Variants in RBFOX1 observed in about 807,000 individuals in gnomAD.
RBFOX1 encodes the protein RNA binding fox-1 homolog 1.
Under a neutral mutation model 57.7 loss-of-function variants are expected in RBFOX1, and 8 were observed. The ratio of observed to expected loss-of-function variants is 0.14; its 90% CI spans 0.08 to 0.25. RBFOX1 has a LOEUF of 0.25. Among genes scored for constraint, RBFOX1 ranks in the 10% least tolerant of loss-of-function variants. RBFOX1 has a pLI of 1.00. For synonymous variants in RBFOX1, 326 were observed against 222.4 expected (o/e 1.47, Z -4.15); for missense variants, 611 against 548.5 (o/e 1.11, Z -1.14).
chr16:6,875,022 G>T (rs1021628078), intron 3 of RBFOX1, among the ~76,000 whole-genome samples: 1 of 152,168 alleles, frequency 6.6e-6, no homozygotes, highest in South Asian at 2.1e-4. Flanking sequence ...AGAAAATGGG[G>T]AGAAGTTGTG....
intron 4 of RBFOX1, among the ~76,000 whole-genome samples, chr16:7,274,699 T>TA (rs2095407053): frequency 3.3e-5 from 5 of 150,984 alleles, no homozygotes; most frequent in African/African-American, 1.2e-4. Context: ...TATTTTATTT[T>TA]TTTGAGGCAA....
At chr16:6,611,216 G>C (rs895054380) in intron 2 of RBFOX1, among the ~76,000 whole-genome samples, 12 of 152,212 alleles carry the variant, frequency 7.9e-5, no homozygotes, top group Admixed American at 3.9e-4. Context: ...GTGCAATCTA[G>C]GATCACTGCA....
chr16:7,570,610 G>C (rs1371485921), intron 5 of RBFOX1, among the ~76,000 whole-genome samples: 2 of 152,220 alleles, frequency 1.3e-5, no homozygotes, highest in African/African-American at 4.8e-5. Flanking sequence ...TTTTATTGCA[G>C]AGCTACCTAG....
intron 1 of RBFOX1, among the ~76,000 whole-genome samples, chr16:6,093,363 C>G (rs1280308670): frequency 1.3e-5 from 2 of 152,092 alleles, no homozygotes; most frequent in East Asian, 3.9e-4. Flanking sequence ...CTGTTGAGAC[C>G]AAGAATTCAA....
At chr16:5,842,040 T>C (rs766819821) in intron 3 of RBFOX1, among the ~76,000 whole-genome samples, 8 of 152,218 alleles carry the variant, frequency 5.3e-5, no homozygotes, top group Non-Finnish European at 1.0e-4. Flanking sequence ...TTCAGGCTTC[T>C]TCTGCCTGCA....
chr16:7,314,699 T>C (rs1185341701), intron 4 of RBFOX1, among the ~76,000 whole-genome samples: 1 of 152,162 alleles, frequency 6.6e-6, no homozygotes, highest in African/African-American at 2.4e-5. Context: ...CAGATCACAT[T>C]AGAATCCTCC....
At chr16:7,044,403 G>A (rs12598994) in intron 3 of RBFOX1, among the ~76,000 whole-genome samples, 3,916 of 152,254 alleles carry the variant, frequency 0.026, 102 homozygotes, top group South Asian at 0.067. Flanking sequence ...AAAGTCAGGA[G>A]AAGGATGAAA....
intron 1 of RBFOX1, among the ~76,000 whole-genome samples, chr16:6,093,402 C>G (rs945630669): frequency 6.6e-6 from 1 of 151,984 alleles, no homozygotes; most frequent in African/African-American, 2.4e-5. Context: ...GAGACGCCAT[C>G]TCTTAAAAAA....
At chr16:7,187,554 T>C (rs1453424787) in intron 4 of RBFOX1, among the ~76,000 whole-genome samples, 1 of 151,104 alleles carries the variant, frequency 6.6e-6, no homozygotes, top group Admixed American at 6.6e-5. Context: ...CCAGGCGTGG[T>C]GGCGGGCGCC....
At chr16:7,362,591 G>A (rs1444501416) in intron 4 of RBFOX1, among the ~76,000 whole-genome samples, 3 of 152,038 alleles carry the variant, frequency 2.0e-5, no homozygotes, top group African/African-American at 7.2e-5. Context: ...GTATTAGTGT[G>A]TGGATGTTCT....
At chr16:7,261,221 C>T (rs764586492) in intron 4 of RBFOX1, among the ~76,000 whole-genome samples, 4 of 152,124 alleles carry the variant, frequency 2.6e-5, no homozygotes, top group Admixed American at 1.3e-4. Flanking sequence ...CTTCTCTGAG[C>T]CTTAGCTTTC....
At chr16:6,914,495 C>A (rs748811281) in intron 3 of RBFOX1, among the ~76,000 whole-genome samples, 1 of 152,042 alleles carries the variant, frequency 6.6e-6, no homozygotes, top group South Asian at 2.1e-4. Flanking sequence ...CCACCTCCTA[C>A]CTGAGCCACC....
In RBFOX1 at chr16:6,502,073, G is replaced by T. The variant is rs1000267067; in HGVS notation, c.-63-152530G>T. Among the ~76,000 whole-genome samples, 16 of 152,264 alleles carry T rather than the reference G, an allele frequency of 1.1e-4. No homozygotes were observed. In the South Asian group the frequency reaches 3.3e-3, roughly 32 times the overall value. On this transcript the variant is annotated intron_variant, in intron 2 of 15. Coordinates refer to ENST00000550418, the MANE Select transcript of RBFOX1 (RefSeq NM_018723.4). Reference sequence around the variant, plus strand: ...CTGGTTTCCTAGTTTCCAGGGAATGGGTTGGGTCATTCCTTGTGTAACAGA... The same window carrying T: ...CTGGTTTCCTAGTTTCCAGGGAATGTGTTGGGTCATTCCTTGTGTAACAGA...
At chr16:5,805,634 G>A (rs2055200941) in intron 3 of RBFOX1, among the ~76,000 whole-genome samples, 2 of 152,206 alleles carry the variant, frequency 1.3e-5, no homozygotes. Context: ...TAGCAACTGT[G>A]GAGAGCTGTT....
Position 6,702,194 on chromosome 16 carries a change from C to T in RBFOX1, c.-16+47544C>T, listed in dbSNP as rs570291473. Reference sequence around the variant, plus strand: ...GATCTGCTCTACCATGATCCAGACACCTCCCAGTAGACCCACCTCCAACAC... The same window carrying T: ...GATCTGCTCTACCATGATCCAGACATCTCCCAGTAGACCCACCTCCAACAC... On this transcript the variant is annotated intron_variant, in intron 3 of 15. Coordinates refer to ENST00000550418, the MANE Select transcript of RBFOX1 (RefSeq NM_018723.4). Among the ~76,000 whole-genome samples, 7 of 152,296 alleles carry T rather than the reference C, an allele frequency of 4.6e-5. No homozygotes were observed. The East Asian group carries it at 5.8e-4, about 13-fold the overall frequency.
chr16:7,006,144 A>G lies in RBFOX1; in HGVS notation c.-15-45913A>G, dbSNP rs1596710258. 2.6e-5 allele frequency among the ~76,000 whole-genome samples: 4 copies of G among 151,948 alleles called. No homozygotes were observed. In the South Asian group the frequency reaches 8.4e-4, roughly 32 times the overall value. ...TAGAGGACATACATAATGTCATTAA[A>G]TTTATTTATTTATTTATTTTTTTTT... is the stretch of plus-strand genomic sequence containing the variant. On this transcript the variant is annotated intron_variant, in intron 3 of 15. Transcript: ENST00000550418.
intron 4 of RBFOX1, chr16:7,332,726 T>C (rs2096714710): frequency 7.8e-7 from 1 of 1,281,012 alleles, no homozygotes; most frequent in Non-Finnish European, 1.0e-6. Context: ...TTAGTCATGT[T>C]AGGCAAGCTG....
chr16:7,108,509 T>C (rs2064024343), intron 4 of RBFOX1, among the ~76,000 whole-genome samples: 1 of 152,194 alleles, frequency 6.6e-6, no homozygotes, highest in Non-Finnish European at 1.5e-5. Context: ...CTCCAGGATA[T>C]GTTTCTAGGT....
At chr16:5,882,396 A>C (rs887909433) in intron 4 of RBFOX1, among the ~76,000 whole-genome samples, 10 of 152,172 alleles carry the variant, frequency 6.6e-5, no homozygotes, top group African/African-American at 2.4e-4. Flanking sequence ...ACACCTGGAA[A>C]AGTCATACAT....
Sources: allele counts gnomAD v4.1 joint callset (sites outside exome capture counted in the v4.1 genomes callset), GRCh38; gene constraint gnomAD v4.1.1; transcripts MANE v1.5; gene names NCBI Gene and HGNC (gene_info 2026-07-23, HGNC 2026-07-21).